The following SPEF2 variants were observed in gnomAD, a reference collection of about 807,000 sequenced individuals.
SPEF2 encodes sperm flagella and cilia-associated protein 2.
In SPEF2, 187 loss-of-function variants were observed where a neutral mutation model predicts 224.6. The ratio of observed to expected loss-of-function variants is 0.83; its 90% CI spans 0.74 to 0.94. The LOEUF (loss-of-function observed/expected upper bound fraction) is 0.94. SPEF2 is among the 40% of genes least tolerant of loss of function. The pLI, the probability that SPEF2 is intolerant of heterozygous loss-of-function variation, is 0.00. For synonymous variants in SPEF2, 715 were observed against 707.3 expected (o/e 1.01, Z -0.17); for missense variants, 2,170 against 2,135.6 (o/e 1.02, Z -0.32).
rs560259742 is a variant in SPEF2 at position 35,800,798 on chromosome 5, C to T, written c.5010+651C>T. ...TTGTTTGGGGGCTGGAGCAGTGGAT[C>T]CATCTGATGGGATGCTTGGTTCTGT... On this transcript the variant is annotated intron_variant, in intron 34 of 36. Coordinates refer to ENST00000356031, the MANE Select transcript of SPEF2 (RefSeq NM_024867.4). Among the ~76,000 whole-genome samples, 9 of 152,204 alleles carry T rather than the reference C, an allele frequency of 5.9e-5. No homozygotes were observed. In the East Asian group the frequency reaches 1.7e-3, roughly 29 times the overall value.
rs73090209 is a variant in SPEF2 at position 35,803,602 on chromosome 5, A to T, written c.5011-3105A>T. ...AGCACTTGGAACACAGAAGCCACTC[A>T]CCTTCTTCATTCTCACTCACTCCTC... is the stretch of plus-strand genomic sequence containing the variant. On this transcript the variant is annotated intron_variant, in intron 34 of 36. Transcript: ENST00000356031. Among the ~76,000 whole-genome samples, 1,062 of 152,218 alleles carry T rather than the reference A, an allele frequency of 7.0e-3. 18 individuals are homozygous for T. Among genetic ancestry groups the T allele is most frequent in the African/African-American group, 0.024 (1,002 of 41,540 alleles).
rs1758188780 is a variant in SPEF2 at position 35,807,195 on chromosome 5, T to G, written c.5321T>G (p.Leu1774Arg). The G allele has an allele frequency of 4.3e-6, 7 of 1,614,036 alleles. No homozygotes were observed. In the South Asian group the frequency reaches 7.7e-5, roughly 18 times the overall value. ...KNLEPIEVAV[L>R]LKHPFIQDLI... ...CTGGAGCCAATTGAAGTCGCTGTTCTCTTGAAGCATCCTTTTATTCAAGAC... is the reference window on the plus strand; with the variant it reads ...CTGGAGCCAATTGAAGTCGCTGTTCGCTTGAAGCATCCTTTTATTCAAGAC... The change falls in exon 36 of 37, where the codon CTC becomes CGC. Residue 1774 changes from leucine (L) to arginine (R), a missense_variant. By Grantham distance (102) the Leu-to-Arg change is moderately radical. Transcript: ENST00000356031.
chr5:35,788,147 G>A (rs949140780), intron 30 of SPEF2: 1 of 702,934 alleles, frequency 1.4e-6, no homozygotes, highest in Non-Finnish European at 2.6e-6. Flanking sequence ...TCATGCCAAG[G>A]CCTCATTAAT....
chr5:35,774,127 C>A, intron 28 of SPEF2, 106 bp downstream of exon 28: 1 of 1,419,692 alleles, frequency 7.0e-7, no homozygotes, highest in South Asian at 1.4e-5. Flanking sequence ...TCTATGAGAA[C>A]ATACAGCAAA....
At chr5:35,773,061 C>T (rs1472741336) in intron 27 of SPEF2, among the ~76,000 whole-genome samples, 5 of 152,062 alleles carry the variant, frequency 3.3e-5, no homozygotes, top group Non-Finnish European at 7.3e-5. Flanking sequence ...CACTGATGTA[C>T]TTATAGTTAA....
At chr5:35,647,558 T>A (rs4703421) in intron 5 of SPEF2, among the ~76,000 whole-genome samples, 3 of 151,964 alleles carry the variant, frequency 2.0e-5, no homozygotes, top group Admixed American at 2.0e-4. Context: ...TATTCATGCA[T>A]GATCCACCGC....
At chr5:35,803,384 C>G (rs972859581) in intron 34 of SPEF2, among the ~76,000 whole-genome samples, 1 of 152,190 alleles carries the variant, frequency 6.6e-6, no homozygotes, top group African/African-American at 2.4e-5. Context: ...TGCTAGTGTT[C>G]CTACCCGGGA....
At chr5:35,635,434 A>G (rs951888542) in intron 2 of SPEF2, among the ~76,000 whole-genome samples, 3 of 152,182 alleles carry the variant, frequency 2.0e-5, no homozygotes, top group African/African-American at 7.2e-5. Flanking sequence ...TAACTTTACC[A>G]TGAAATATCT....
chr5:35,784,551 G>C (rs1455171489), intron 30 of SPEF2, among the ~76,000 whole-genome samples: 1 of 152,236 alleles, frequency 6.6e-6, no homozygotes, highest in African/African-American at 2.4e-5. Flanking sequence ...GGCAGAACTA[G>C]CTATTGCTGC....
chr5:35,715,816 C>CCTTTTTTTTTTTTTTTTTTTTTTTT lies in SPEF2; in HGVS notation c.2914+2930_2914+2931insCTTTTTTTTTTTTTTTTTTTTTTTT, dbSNP rs70973054. On this transcript the variant is annotated intron_variant, in intron 20 of 36. Transcript: ENST00000356031. Reference sequence around the variant, plus strand: ...TCTGTGAAATAGGGGGATATAATTTCTTTTTTTTTTTTTTTTTGAGACAGA... The same window carrying CCTTTTTTTTTTTTTTTTTTTTTTTT: ...TCTGTGAAATAGGGGGATATAATTTCCTTTTTTTTTTTTTTTTTTTTTTTTTTTTTTTTTTTTTTTTTGAGACAGA... Among the ~76,000 whole-genome samples the CCTTTTTTTTTTTTTTTTTTTTTTTT allele has an allele frequency of 4.2e-5, 5 of 117,936 alleles. 2 individuals carry two copies. Among genetic ancestry groups the CCTTTTTTTTTTTTTTTTTTTTTTTT allele is most frequent in the African/African-American group, 6.4e-5 (2 of 31,360 alleles). The allele number at this position is 117,936 out of a possible 152,430, so 77.4% of individuals were successfully genotyped here.
chr5:35,785,455 TTC>T (rs1754964519), intron 30 of SPEF2, among the ~76,000 whole-genome samples: 2 of 152,192 alleles, frequency 1.3e-5, no homozygotes, highest in South Asian at 4.1e-4. Context: ...AGAACTAAAA[TTC>T]TGTTTTGAAA....
intron 11 of SPEF2, among the ~76,000 whole-genome samples, chr5:35,691,817 G>A (rs1348850731): frequency 2.6e-5 from 4 of 150,966 alleles, no homozygotes; most frequent in African/African-American, 9.7e-5. Context: ...TTATTTTTTC[G>A]AGACAGAGTC....
chr5:35,779,918 T>C (rs1396531035), intron 30 of SPEF2, among the ~76,000 whole-genome samples: 1 of 152,250 alleles, frequency 6.6e-6, no homozygotes, highest in Non-Finnish European at 1.5e-5. Context: ...ACCTACAGCA[T>C]CTGCACAGGC....
chr5:35,661,041 G>C (rs2149453069), intron 8 of SPEF2, among the ~76,000 whole-genome samples: 1 of 151,886 alleles, frequency 6.6e-6, no homozygotes, highest in Non-Finnish European at 1.5e-5. Flanking sequence ...ATCCATACAT[G>C]TTGAGTTTAT....
chr5:35,651,920 T>C lies in SPEF2; in HGVS notation c.791+2495T>C, dbSNP rs375547692. ...AAGGTTCCTCCATTTTTTCATTTTT[T>C]AGATGAATAATAAATCCTGTCTGCT... On this transcript the variant is annotated intron_variant, in intron 6 of 36. Transcript: ENST00000356031. Among the ~76,000 whole-genome samples the C allele has an allele frequency of 1.9e-3, 296 of 152,358 alleles. 2 individuals are homozygous for C. The highest frequency in any genetic ancestry group is 6.7e-3 in the African/African-American group (279 of 41,586).
At chr5:35,665,606 G>C (rs1434079389) in intron 8 of SPEF2, among the ~76,000 whole-genome samples, 2 of 151,968 alleles carry the variant, frequency 1.3e-5, no homozygotes, top group Non-Finnish European at 2.9e-5. Context: ...ATGTGTTTCA[G>C]AGAACTCTGT....
intron 23 of SPEF2, among the ~76,000 whole-genome samples, chr5:35,742,806 T>A (rs1459937535): frequency 6.6e-6 from 1 of 151,954 alleles, no homozygotes; most frequent in Non-Finnish European, 1.5e-5. Flanking sequence ...CCCAGTTTGA[T>A]GTTTGAGATG....
chr5:35,760,750 A>G (rs1380787623), intron 25 of SPEF2, among the ~76,000 whole-genome samples: 1 of 152,182 alleles, frequency 6.6e-6, no homozygotes, highest in East Asian at 1.9e-4. Flanking sequence ...AACAGATAGA[A>G]AAATGTCTTC....
At chr5:35,658,195 A>G (rs546506783) in intron 7 of SPEF2, among the ~76,000 whole-genome samples, 2 of 152,288 alleles carry the variant, frequency 1.3e-5, no homozygotes, top group African/African-American at 2.4e-5. Context: ...TTAATTGCCC[A>G]AGGCCACCCA....
Sources: allele counts gnomAD v4.1 joint callset (sites outside exome capture counted in the v4.1 genomes callset), GRCh38; gene constraint gnomAD v4.1.1; transcripts MANE v1.5; gene names NCBI Gene and HGNC (gene_info 2026-07-23, HGNC 2026-07-21).